CSMD1: variants seen among roughly 807,000 people sequenced by gnomAD.
The protein encoded by CSMD1 is CUB and Sushi multiple domains 1.
In CSMD1, 213 loss-of-function variants were observed where a neutral mutation model predicts 417.5. That is an observed-to-expected ratio of 0.51 (90% confidence interval 0.46 to 0.57). The LOEUF is 0.57. Among genes scored for constraint, CSMD1 ranks in the 20% least tolerant of loss-of-function variants. CSMD1 has a pLI of 0.00. For synonymous variants in CSMD1, 2,862 were observed against 1,736.8 expected (o/e 1.65, Z -16.11); for missense variants, 6,923 against 4,529.7 (o/e 1.53, Z -15.17).
intron 3 of CSMD1, among the ~76,000 whole-genome samples, chr8:4,057,804 T>G (rs1446854733): frequency 6.6e-6 from 1 of 152,192 alleles, no homozygotes; most frequent in African/African-American, 2.4e-5. Context: ...CTTTCCCCAT[T>G]GCTTGTTTTT....
At chr8:4,379,654 T>G (rs962536696) in intron 3 of CSMD1, among the ~76,000 whole-genome samples, 26 of 151,432 alleles carry the variant, frequency 1.7e-4, no homozygotes, top group African/African-American at 5.6e-4. Context: ...CTGCTGGACT[T>G]TTTTTGAAAT....
rs565349141 is a variant in CSMD1 at position 3,196,278 on chromosome 8, T to C, written c.5194+3436A>G. Among the ~76,000 whole-genome samples the C allele has an allele frequency of 3.3e-5, 5 of 152,256 alleles. No individual in the cohort carries two copies. In the East Asian group the frequency reaches 9.7e-4, roughly 29 times the overall value. On this transcript the variant is annotated intron_variant, in intron 33 of 69. Transcript: ENST00000635120. Reference sequence around the variant, plus strand: ...GGAGAGAAATCCTAGTTAAAGGAATTGTCTACCCCTTTCCCAGAAAACTCA... The same window carrying C: ...GGAGAGAAATCCTAGTTAAAGGAATCGTCTACCCCTTTCCCAGAAAACTCA...
chr8:4,179,177 A>G (rs1301437933), intron 3 of CSMD1, among the ~76,000 whole-genome samples: 2 of 152,166 alleles, frequency 1.3e-5, no homozygotes, highest in East Asian at 1.9e-4. Flanking sequence ...ACTTCAAACT[A>G]TACTACAAGG....
chr8:4,005,378 C>T (rs564608036), intron 4 of CSMD1, among the ~76,000 whole-genome samples: 1 of 152,166 alleles, frequency 6.6e-6, no homozygotes, highest in Admixed American at 6.5e-5. Flanking sequence ...GCTCCTTGAA[C>T]AGACACACGT....
intron 5 of CSMD1, among the ~76,000 whole-genome samples, chr8:3,802,197 G>T (rs1004852144): frequency 8.6e-5 from 13 of 151,984 alleles, no homozygotes; most frequent in Admixed American, 8.5e-4. Context: ...TTAAAGAAGG[G>T]CTTATCACAC....
intron 1 of CSMD1, among the ~76,000 whole-genome samples, chr8:4,712,585 A>G (rs1325851606): frequency 6.6e-6 from 1 of 152,244 alleles, no homozygotes; most frequent in East Asian, 1.9e-4. Flanking sequence ...GGGGCTTTAG[A>G]ATACTGAAGA....
rs548162987 is a variant in CSMD1 at position 3,735,057 on chromosome 8, G to C, written c.931+18873C>G. Among the ~76,000 whole-genome samples the C allele has an allele frequency of 1.1e-4, 17 of 152,306 alleles. No homozygotes were observed. In the South Asian group the frequency reaches 3.5e-3, roughly 32 times the overall value. ...AAACAAAATAGGTGATATGAATGTG[G>C]ACATGGGAGGACACACGCCAGCCAC... On this transcript the variant is annotated intron_variant, in intron 6 of 69. Coordinates refer to ENST00000635120, the MANE Select transcript of CSMD1 (RefSeq NM_033225.6).
At position 4,070,094 on chromosome 8, in the gene CSMD1, AAC is replaced by A. The variant is rs147256140; in HGVS notation, c.416-37997_416-37996del. Among the ~76,000 whole-genome samples, 1,002 of 152,206 alleles carry A rather than the reference AAC, an allele frequency of 6.6e-3. 9 individuals are homozygous for A. Among genetic ancestry groups the A allele is most frequent in the African/African-American group, 0.023 (937 of 41,524 alleles). On this transcript the variant is annotated intron_variant, in intron 3 of 69. Coordinates refer to ENST00000635120, the MANE Select transcript of CSMD1 (RefSeq NM_033225.6). The stretch of plus-strand genomic sequence containing the variant: ...TAGTGTTTGCTCTTGGAATTAAAGA[AAC>A]ACCCAAGATTTTTCAGTCTTCTTGT...
At chr8:3,805,417 C>T (rs1039513893) in intron 5 of CSMD1, among the ~76,000 whole-genome samples, 2 of 152,148 alleles carry the variant, frequency 1.3e-5, no homozygotes, top group Non-Finnish European at 2.9e-5. Flanking sequence ...AAGAAGTGGT[C>T]ACCTCTCAGC....
chr8:3,685,976 T>C (rs1464338198), intron 7 of CSMD1, among the ~76,000 whole-genome samples: 2 of 152,218 alleles, frequency 1.3e-5, no homozygotes, highest in Non-Finnish European at 2.9e-5. Context: ...TTTCCCATTT[T>C]GCTACCAAAT....
At chr8:4,905,604 G>T (rs1412667845) in intron 1 of CSMD1, among the ~76,000 whole-genome samples, 1 of 151,812 alleles carries the variant, frequency 6.6e-6, no homozygotes, top group African/African-American at 2.4e-5. Context: ...CCCATCACGA[G>T]GTCATGAGAT....
At chr8:4,043,687 T>C (rs990929308) in intron 3 of CSMD1, among the ~76,000 whole-genome samples, 1 of 152,208 alleles carries the variant, frequency 6.6e-6, no homozygotes, top group Non-Finnish European at 1.5e-5. Context: ...TTTATTTCAG[T>C]GTTCTGAATT....
At chr8:3,748,616 C>G (rs1270901409) in intron 6 of CSMD1, among the ~76,000 whole-genome samples, 2 of 152,168 alleles carry the variant, frequency 1.3e-5, no homozygotes, top group Non-Finnish European at 2.9e-5. Context: ...CAGGTATACT[C>G]CTAGATAGAG....
chr8:3,718,357 A>C (rs1038843206), intron 6 of CSMD1, among the ~76,000 whole-genome samples: 1 of 152,154 alleles, frequency 6.6e-6, no homozygotes, highest in Admixed American at 6.5e-5. Context: ...CTGACAACCA[A>C]GTTTTAAGAA....
At chr8:2,953,801 G>A (rs956565707) in intron 65 of CSMD1, among the ~76,000 whole-genome samples, 1 of 152,164 alleles carries the variant, frequency 6.6e-6, no homozygotes, top group Non-Finnish European at 1.5e-5. Context: ...GAAAAAAATT[G>A]GGCTCCATGT....
intron 6 of CSMD1, among the ~76,000 whole-genome samples, chr8:3,750,815 T>G (rs1484122982): frequency 6.6e-6 from 1 of 152,198 alleles, no homozygotes; most frequent in East Asian, 1.9e-4. Flanking sequence ...TGTCTCCAGC[T>G]GTCCTTAGGT....
At chr8:3,465,064 G>A (rs1284472904) in intron 12 of CSMD1, among the ~76,000 whole-genome samples, 1 of 152,130 alleles carries the variant, frequency 6.6e-6, no homozygotes, top group Non-Finnish European at 1.5e-5. Context: ...AACACATACT[G>A]TATAACATAC....
intron 1 of CSMD1, among the ~76,000 whole-genome samples, chr8:4,711,473 T>C (rs1361425299): frequency 6.6e-6 from 1 of 152,162 alleles, no homozygotes; most frequent in African/African-American, 2.4e-5. Flanking sequence ...CTTTTATTTT[T>C]GTAAAGCAAA....
At chr8:2,963,811 T>C (rs2128927347) in intron 59 of CSMD1, among the ~76,000 whole-genome samples, 1 of 152,318 alleles carries the variant, frequency 6.6e-6, no homozygotes, top group South Asian at 2.1e-4. Context: ...ATTTTTTATT[T>C]AAAGATGGCA....
Sources: gnomAD v4.1 joint callset for allele counts (sites outside exome capture counted in the v4.1 genomes callset) on GRCh38, gnomAD v4.1.1 for gene constraint, MANE v1.5 for transcripts, NCBI Gene and HGNC (gene_info 2026-07-23, HGNC 2026-07-21) for gene names.